Variants in MEGF8 observed in about 807,000 individuals in gnomAD.
MEGF8 encodes the protein multiple EGF like domains 8.
In MEGF8, 156 loss-of-function variants were observed where a neutral mutation model predicts 302.9. That is an observed-to-expected ratio of 0.52 (90% confidence interval 0.45 to 0.59). The LOEUF (loss-of-function observed/expected upper bound fraction) is 0.59. Among genes scored for constraint, MEGF8 ranks in the 20% least tolerant of loss-of-function variants. MEGF8 has a pLI of 0.00. For synonymous variants in MEGF8, 1,621 were observed against 1,660.5 expected (o/e 0.98, Z 0.58); for missense variants, 3,345 against 3,964.5 (o/e 0.84, Z 4.20).
intron 1 of MEGF8, among the ~76,000 whole-genome samples, chr19:42,327,860 C>A (rs970008573): frequency 2.0e-5 from 3 of 152,154 alleles, no homozygotes; most frequent in Non-Finnish European, 2.9e-5. Context: ...TTTGGGAGGC[C>A]GAGGCCGGCA....
Position 42,357,320 on chromosome 19 carries a change from T to C in MEGF8, c.4831-84T>C. The C allele has an allele frequency of 6.7e-7, 1 of 1,491,604 alleles. No individual in the cohort carries two copies. Among genetic ancestry groups the C allele is most frequent in the East Asian group, 2.3e-5 (1 of 43,934 alleles). The allele number at this position is 1,491,604 out of a possible 1,614,324, so 92.4% of individuals were successfully genotyped here. A position where few individuals can be genotyped will look rare whatever the true frequency, so the allele number is the denominator to read the frequency against. ...CCCTCCTTAGTACTTCAGGGAGGAC[T>C]GTGGGGGGCTGAGGCTCGCTTCTAC... On this transcript the variant is annotated intron_variant, in intron 27 of 41. Transcript: ENST00000251268. This position sits in a 1 kb window ranked among gnomAD's most constrained non-coding sequence, Gnocchi z 5.2.
chr19:42,376,098 G>C lies in MEGF8; in HGVS notation c.7861G>C (p.Asp2621His). Residue 2621 changes from aspartate to histidine, a missense_variant, in exon 42 of 42, where the codon GAC (aspartate) becomes CAC (histidine). Coordinates refer to ENST00000251268, the MANE Select transcript of MEGF8 (RefSeq NM_001271938.2). This position sits in a 1 kb window ranked among gnomAD's most constrained non-coding sequence, Gnocchi z 8.2. ...CTACCTGCTGCTGCTGGGCGTGGGA[G>C]ACCCAAGTGGGCCCGGCGCCAACGG... is the stretch of plus-strand genomic sequence containing the variant. The part of the protein sequence containing the change: ...RFYLLLLGVG[D>H]PSGPGANGSA... 1 of 1,606,624 alleles carries C rather than the reference G, an allele frequency of 6.2e-7. No individual in the cohort carries two copies. The highest frequency in any genetic ancestry group is 1.1e-5 in the South Asian group (1 of 91,060).
intron 15 of MEGF8, among the ~76,000 whole-genome samples, 181 bp downstream of exon 15, chr19:42,350,565 A>G (rs181682151): frequency 1.2e-4 from 18 of 151,628 alleles, no homozygotes; most frequent in African/African-American, 4.1e-4. Flanking sequence ...GGGAGTCAGG[A>G]CTCTCCCTGT....
intron 31 of MEGF8, among the ~76,000 whole-genome samples, chr19:42,360,526 G>A (rs974629702): frequency 2.0e-5 from 3 of 151,850 alleles, no homozygotes; most frequent in Non-Finnish European, 4.4e-5. Context: ...TTTATTGTTT[G>A]TAGAGACGGG....
rs756847499 is a variant in MEGF8 at position 42,376,108 on chromosome 19, G to C, written c.7871G>C (p.Gly2624Ala). The change falls in exon 42 of 42, where the codon GGG becomes GCG. Residue 2624 changes from glycine to alanine, a missense_variant. Physicochemically the swap from Gly to Ala is moderately conservative, Grantham distance 60. Coordinates refer to ENST00000251268, the MANE Select transcript of MEGF8 (RefSeq NM_001271938.2). The surrounding 1 kb of genome is among the most constrained non-coding windows in gnomAD (Gnocchi z 8.2). Reference protein sequence around the residue: ...LLLLGVGDPSGPGANGSADSQ... With the variant: ...LLLLGVGDPSAPGANGSADSQ... ...CTGCTGGGCGTGGGAGACCCAAGTGGGCCCGGCGCCAACGGCTCAGCCGAC... is the reference window on the plus strand; with the variant it reads ...CTGCTGGGCGTGGGAGACCCAAGTGCGCCCGGCGCCAACGGCTCAGCCGAC... 6.2e-7 allele frequency: 1 copy of C among 1,606,926 alleles called. No homozygotes were observed. Among genetic ancestry groups the C allele is most frequent in the Admixed American group, 1.7e-5 (1 of 60,008 alleles).
In MEGF8 at chr19:42,361,188, C is replaced by T. The variant is rs1339650035; in HGVS notation, c.5720+182C>T. Among the ~76,000 whole-genome samples the T allele has an allele frequency of 3.9e-5, 6 of 152,182 alleles. No homozygotes were observed. The East Asian group carries it at 1.2e-3, about 29-fold the overall frequency. On this transcript the variant is annotated intron_variant, in intron 32 of 41. Transcript: ENST00000251268. ...GGATCCCTGCCTGGGACTGGGGTCT[C>T]ATGCAAGAATGCTTGCTGGAGGAGC...
At chr19:42,359,053 C>A in intron 30 of MEGF8, 45 bp from the exon 31 acceptor site, 1 of 1,527,116 alleles carries the variant, frequency 6.5e-7, no homozygotes. Flanking sequence ...CAGAGGACAG[C>A]TCTGACAGGC....
At chr19:42,342,155 A>C (rs1233329402) in intron 8 of MEGF8, among the ~76,000 whole-genome samples, 3 of 152,194 alleles carry the variant, frequency 2.0e-5, no homozygotes, top group Non-Finnish European at 4.4e-5. Flanking sequence ...GGCAGGAGTC[A>C]GGAGTGTGAT....
chr19:42,372,073 A>AAC (rs770531107), intron 41 of MEGF8, among the ~76,000 whole-genome samples: 20 of 72,224 alleles, frequency 2.8e-4, no homozygotes, highest in African/African-American at 5.7e-4. Context: ...CAACAACAAC[A>AAC]AACACACACA....
intron 35 of MEGF8, among the ~76,000 whole-genome samples, chr19:42,363,964 G>A (rs2039569092): frequency 6.6e-6 from 1 of 152,208 alleles, no homozygotes; most frequent in Non-Finnish European, 1.5e-5. Context: ...TCATCTCTGT[G>A]TTTGTCGGTT....
intron 13 of MEGF8, among the ~76,000 whole-genome samples, 197 bp from the exon 14 acceptor site, chr19:42,349,302 G>GAAAA (rs1268884391): frequency 1.8e-5 from 1 of 57,012 alleles, no homozygotes; most frequent in Admixed American, 2.0e-4. Flanking sequence ...CCTGTCTCAA[G>GAAAA]AAAAAAAAAA....
In MEGF8 at chr19:42,376,641, G is replaced by T; in HGVS notation, c.8404G>T (p.Ala2802Ser). 1 of 1,541,344 alleles carries T rather than the reference G, an allele frequency of 6.5e-7. No homozygotes were observed. The part of the protein sequence containing the change: ...HAPNGACLGS[A>S]LVTLRHRLHE... ...ACCCAACGGCGCCTGCCTGGGGTCA[G>T]CCCTCGTCACACTGCGGCACAGGCT... The change falls in exon 42 of 42, where the codon GCC (alanine) becomes TCC (serine). Residue 2802 changes from alanine (A) to serine (S), a missense_variant. By Grantham distance (99) the Ala-to-Ser change is moderately conservative. Coordinates refer to ENST00000251268, the MANE Select transcript of MEGF8 (RefSeq NM_001271938.2). This position sits in a 1 kb window ranked among gnomAD's most constrained non-coding sequence, Gnocchi z 8.2.
Position 42,357,062 on chromosome 19 carries a change from C to A in MEGF8, c.4830+81C>A. 1 of 1,371,264 alleles carries A rather than the reference C, an allele frequency of 7.3e-7. No individual in the cohort carries two copies. The highest frequency in any genetic ancestry group is 9.8e-7 in the Non-Finnish European group (1 of 1,017,566). The allele number at this position is 1,371,264 out of a possible 1,614,324, so 84.9% of individuals were successfully genotyped here. ...CAGCTGTGGTAGCTCCTGCCAGCTC[C>A]ATCCCCAGAGGAAACAGAAGCCCCA... On this transcript the variant is annotated intron_variant, in intron 27 of 41. Coordinates refer to ENST00000251268, the MANE Select transcript of MEGF8 (RefSeq NM_001271938.2). The surrounding 1 kb of genome is among the most constrained non-coding windows in gnomAD (Gnocchi z 5.2).
At chr19:42,370,128 A>G in intron 38 of MEGF8, 61 bp from the exon 39 acceptor site, 1 of 1,527,148 alleles carries the variant, frequency 6.5e-7, no homozygotes, top group Non-Finnish European at 8.8e-7. Flanking sequence ...CTGTGCCCCC[A>G]ACGCCCTCCT....
Position 42,353,408 on chromosome 19 carries a change from C to T in MEGF8, c.3551-57C>T. 6.4e-7 allele frequency: 1 copy of T among 1,564,566 alleles called. No individual in the cohort carries two copies. Among genetic ancestry groups the T allele is most frequent in the Non-Finnish European group, 8.7e-7 (1 of 1,152,512 alleles). On this transcript the variant is annotated intron_variant, in intron 20 of 41. Transcript: ENST00000251268. The surrounding 1 kb of genome is among the most constrained non-coding windows in gnomAD (Gnocchi z 6.1). ...GTCAGGGTTTAGCTGAGCCAGTAGG[C>T]CTGGGCCTGTTTCCACCCTTGACTT... is the stretch of plus-strand genomic sequence containing the variant.
intron 12 of MEGF8, among the ~76,000 whole-genome samples, chr19:42,346,566 A>G (rs2039291662): frequency 6.6e-6 from 1 of 152,146 alleles, no homozygotes; most frequent in Non-Finnish European, 1.5e-5. Context: ...AGTCCCAGCT[A>G]CCTGGGAGGC....
Position 42,354,819 on chromosome 19 carries a change from G to A in MEGF8, c.4144+99G>A, listed in dbSNP as rs1006426713. 3.7e-5 allele frequency: 49 copies of A among 1,306,712 alleles called. No individual in the cohort carries two copies. The African/African-American group carries it at 5.6e-4, about 15-fold the overall frequency. The allele number at this position is 1,306,712 out of a possible 1,614,324, so 80.9% of individuals were successfully genotyped here. A position where few individuals can be genotyped will look rare whatever the true frequency, so the allele number is the denominator to read the frequency against. ...AGTGGGCTCAGGACCCAGCTCTGCC[G>A]CTGCTTATGGGGTGATGTAGTCCCT... On this transcript the variant is annotated intron_variant, in intron 23 of 41. Transcript: ENST00000251268. The surrounding 1 kb of genome is among the most constrained non-coding windows in gnomAD (Gnocchi z 4.3).
At position 42,358,485 on chromosome 19, in the gene MEGF8, C is replaced by G. The variant is rs550580021; in HGVS notation, c.5175+178C>G. 9.2e-5 allele frequency among the ~76,000 whole-genome samples: 14 copies of G among 152,268 alleles called. No individual in the cohort carries two copies. Among genetic ancestry groups the G allele is most frequent in the African/African-American group, 3.4e-4 (14 of 41,548 alleles). On this transcript the variant is annotated intron_variant, in intron 29 of 41. Transcript: ENST00000251268. The surrounding 1 kb of genome is among the most constrained non-coding windows in gnomAD (Gnocchi z 4.4). ...CCATCCCTGATTTGGAGGAGAGAACCCGAGGCCAGGAGGTCAGAGGCATGA... is the reference window on the plus strand; with the variant it reads ...CCATCCCTGATTTGGAGGAGAGAACGCGAGGCCAGGAGGTCAGAGGCATGA...
In MEGF8 at chr19:42,350,358, C is replaced by T; in HGVS notation, c.2710C>T (p.His904Tyr). 1 of 1,588,542 alleles carries T rather than the reference C, an allele frequency of 6.3e-7. No individual in the cohort carries two copies. Among genetic ancestry groups the T allele is most frequent in the Non-Finnish European group, 8.6e-7 (1 of 1,169,368 alleles). Residue 904 changes from histidine (H) to tyrosine (Y), a missense_variant, in exon 15 of 42, where the codon CAT (histidine) becomes TAT (tyrosine). Transcript: ENST00000251268. ...TACCCTCTGCCCACTCTGCGAGGAG[C>T]ATCGGGACTGCCACGCCTGCACCCA... Reference protein sequence around the residue: ...VPTLCPLCEEHRDCHACTQDP... With the variant: ...VPTLCPLCEEYRDCHACTQDP...
Sources: allele counts gnomAD v4.1 joint callset (sites outside exome capture counted in the v4.1 genomes callset), GRCh38; gene constraint gnomAD v4.1.1; non-coding constraint Gnocchi (gnomAD v3.1); transcripts MANE v1.5; gene names NCBI Gene and HGNC (gene_info 2026-07-23, HGNC 2026-07-21).